Variants in GLCCI1 observed in about 807,000 individuals in gnomAD.
GLCCI1 encodes the protein glucocorticoid induced 1.
In GLCCI1, 24 loss-of-function variants were observed where a neutral mutation model predicts 52.2. The ratio of observed to expected loss-of-function variants is 0.46; its 90% CI spans 0.33 to 0.65. The LOEUF (loss-of-function observed/expected upper bound fraction) is 0.65. Ranked by LOEUF, GLCCI1 falls within the 30% of genes least tolerant of loss-of-function variation. GLCCI1 has a pLI of 0.02. For synonymous variants in GLCCI1, 310 were observed against 276.5 expected (o/e 1.12, Z -1.20); for missense variants, 704 against 701.5 (o/e 1.00, Z -0.04).
At chr7:7,999,182 T>A (rs556624535) in intron 1 of GLCCI1, among the ~76,000 whole-genome samples, 2 of 151,898 alleles carry the variant, frequency 1.3e-5, no homozygotes, top group African/African-American at 4.8e-5. Context: ...AGATAAAGAT[T>A]CAATGATTAA....
intron 1 of GLCCI1, among the ~76,000 whole-genome samples, chr7:7,973,718 G>A (rs1451871947): frequency 1.3e-5 from 2 of 152,122 alleles, no homozygotes; most frequent in East Asian, 3.9e-4. Flanking sequence ...AGTATCTTGA[G>A]AGCCTCATTG....
At chr7:8,006,239 T>G (rs954551869) in intron 2 of GLCCI1, among the ~76,000 whole-genome samples, 1 of 152,306 alleles carries the variant, frequency 6.6e-6, no homozygotes, top group East Asian at 1.9e-4. Context: ...AGGAAAAAAT[T>G]GTTGACAGTA....
chr7:8,074,644 C>T (rs1456991439), intron 6 of GLCCI1, among the ~76,000 whole-genome samples: 2 of 152,096 alleles, frequency 1.3e-5, no homozygotes, highest in African/African-American at 4.8e-5. Flanking sequence ...GAGATCACGT[C>T]ACTGCATTCC....
At chr7:8,071,362 T>TA (rs1782758151) in intron 6 of GLCCI1, among the ~76,000 whole-genome samples, 1 of 152,196 alleles carries the variant, frequency 6.6e-6, no homozygotes, top group Non-Finnish European at 1.5e-5. Context: ...TAACAGCTAA[T>TA]AAAAGCCATA....
At chr7:8,019,223 TATATGACAGCCGGTAGCCAC>T (rs1355245079) in intron 2 of GLCCI1, among the ~76,000 whole-genome samples, 2 of 152,222 alleles carry the variant, frequency 1.3e-5, no homozygotes, top group African/African-American at 4.8e-5. Flanking sequence ...TGTGTTGTCC[TATATGACAGCCGGTAGCCAC>T]ATGTGGTTAT....
chr7:8,018,341 G>C (rs1781418698), intron 2 of GLCCI1, among the ~76,000 whole-genome samples: 1 of 152,072 alleles, frequency 6.6e-6, no homozygotes, highest in Non-Finnish European at 1.5e-5. Context: ...TTTTTGCTAG[G>C]AGTTAGTTTG....
chr7:8,061,360 A>T (rs1293179182), intron 5 of GLCCI1, among the ~76,000 whole-genome samples: 1 of 152,118 alleles, frequency 6.6e-6, no homozygotes, highest in East Asian at 1.9e-4. Context: ...TCGGCCTCCC[A>T]AAGTGCTGGG....
In GLCCI1 at chr7:7,969,939, A is replaced by AC. The variant is rs913442422; in HGVS notation, c.457+138dup. The AC allele has an allele frequency of 5.5e-6, 6 of 1,098,530 alleles. No homozygotes were observed. In the South Asian group the frequency reaches 1.1e-4, roughly 20 times the overall value. The allele number at this position is 1,098,530 out of a possible 1,614,324, so 68.0% of individuals were successfully genotyped here. On this transcript the variant is annotated intron_variant, in intron 1 of 7. Transcript: ENST00000223145. This position sits in a 1 kb window ranked among gnomAD's most constrained non-coding sequence, Gnocchi z 4.9. ...GTGTGAAAGTGGCTTTGGGAATCTC[A>AC]CCCCCCTGCGGTCGCTGTGGGGCTT... is the stretch of plus-strand genomic sequence containing the variant.
chr7:8,039,453 A>G (rs1244186056), intron 3 of GLCCI1, among the ~76,000 whole-genome samples: 1 of 152,220 alleles, frequency 6.6e-6, no homozygotes, highest in Admixed American at 6.5e-5. Flanking sequence ...AATACTATTA[A>G]TTCATAAAGA....
intron 3 of GLCCI1, among the ~76,000 whole-genome samples, chr7:8,036,244 T>G (rs1305459269): frequency 6.6e-6 from 1 of 152,200 alleles, no homozygotes; most frequent in Non-Finnish European, 1.5e-5. Flanking sequence ...ACATGCCCAG[T>G]ACATCACTTC....
At chr7:8,055,683 A>T (rs760089915) in intron 4 of GLCCI1, 134 bp downstream of exon 4, 5 of 656,262 alleles carry the variant, frequency 7.6e-6, no homozygotes, top group Non-Finnish European at 1.3e-5. Flanking sequence ...ATTGTTATAA[A>T]AAGATTGTTA....
At chr7:8,023,205 C>T (rs2127948940) in intron 3 of GLCCI1, among the ~76,000 whole-genome samples, 1 of 152,190 alleles carries the variant, frequency 6.6e-6, no homozygotes, top group East Asian at 1.9e-4. Flanking sequence ...TTAGTAGATA[C>T]ACGGTTTCAC....
chr7:8,002,157 G>T (rs964823378), intron 1 of GLCCI1, among the ~76,000 whole-genome samples: 4 of 151,710 alleles, frequency 2.6e-5, no homozygotes, highest in African/African-American at 9.7e-5. Context: ...AAAATATAAA[G>T]GTCAAAAATG....
rs1780282330 is a variant in GLCCI1, at chr7:7,969,267, A to G, written c.-84A>G. Reference sequence around the variant, plus strand: ...TCCCCCTTACACACTCGCACGCACTATCGCGCCGGCTCCCACACGCTCGCG... The same window carrying G: ...TCCCCCTTACACACTCGCACGCACTGTCGCGCCGGCTCCCACACGCTCGCG... On this transcript the variant is annotated 5_prime_UTR_variant, in exon 1 of 8. Transcript: ENST00000223145. The surrounding 1 kb of genome is among the most constrained non-coding windows in gnomAD (Gnocchi z 4.9). 4.2e-6 allele frequency: 5 copies of G among 1,197,644 alleles called. No homozygotes were observed. Among genetic ancestry groups the G allele is most frequent in the South Asian group, 1.8e-5 (1 of 54,248 alleles). The allele number at this position is 1,197,644 out of a possible 1,614,324, so 74.2% of individuals were successfully genotyped here. A position where few individuals can be genotyped will look rare whatever the true frequency, so the allele number is the denominator to read the frequency against.
intron 6 of GLCCI1, among the ~76,000 whole-genome samples, chr7:8,080,385 A>G (rs536318834): frequency 2.6e-5 from 4 of 151,598 alleles, no homozygotes; most frequent in Non-Finnish European, 4.4e-5. Flanking sequence ...GAAAGATAGA[A>G]TAAGAATTAC....
rs552231904 is a variant in GLCCI1, at chr7:8,069,152, G to C, written c.967-1769G>C. Among the ~76,000 whole-genome samples the C allele has an allele frequency of 3.7e-4, 56 of 152,264 alleles. No individual in the cohort carries two copies. The South Asian group carries it at 0.011, about 30-fold the overall frequency. ...GCTTTATGTTCTCTCCCAGCTTGGA[G>C]GCAGCAGGGGAAGGGACCTTGGCAG... On this transcript the variant is annotated intron_variant, in intron 5 of 7. Transcript: ENST00000223145.
chr7:7,985,035 C>A (rs1780694818), intron 1 of GLCCI1, among the ~76,000 whole-genome samples: 1 of 152,178 alleles, frequency 6.6e-6, no homozygotes, highest in African/African-American at 2.4e-5. Context: ...TGTCCTTCTT[C>A]CAAGAAAAAC....
At chr7:8,048,223 A>C (rs1324744808) in intron 3 of GLCCI1, among the ~76,000 whole-genome samples, 5 of 151,952 alleles carry the variant, frequency 3.3e-5, no homozygotes, top group African/African-American at 1.2e-4. Context: ...TCTTACCTAC[A>C]GTTATTTCTG....
chr7:8,019,077 G>C (rs1488953535), intron 2 of GLCCI1, among the ~76,000 whole-genome samples: 4 of 152,152 alleles, frequency 2.6e-5, no homozygotes, highest in African/African-American at 9.7e-5. Flanking sequence ...TTAATCATCA[G>C]CTTTAAATAG....
Sources: gnomAD v4.1 joint callset for allele counts (sites outside exome capture counted in the v4.1 genomes callset) on GRCh38, gnomAD v4.1.1 for gene constraint, Gnocchi (gnomAD v3.1) non-coding constraint, MANE v1.5 for transcripts, NCBI Gene and HGNC (gene_info 2026-07-23, HGNC 2026-07-21) for gene names.